The following ADIPOR2 variants were observed in gnomAD, a reference collection of about 807,000 sequenced individuals.
ADIPOR2 encodes adiponectin receptor protein 2.
A neutral mutation model predicts 40.9 loss-of-function variants in ADIPOR2; 18 were observed. The ratio of observed to expected loss-of-function variants is 0.44; its 90% CI spans 0.30 to 0.65. ADIPOR2 has a LOEUF of 0.65. Ranked by LOEUF, ADIPOR2 falls within the 30% of genes least tolerant of loss-of-function variation. ADIPOR2 has a pLI of 0.09. For synonymous variants in ADIPOR2, 165 were observed against 166.4 expected, an observed-to-expected ratio of 0.99 and a Z score of 0.06; for missense variants, 283 against 479.2, an observed-to-expected ratio of 0.59 and a Z score of 3.82.
At chr12:1,730,966 T>C (rs1328182966) in intron 1 of ADIPOR2, 1 of 152,224 alleles carries the variant, frequency 6.6e-6, no homozygotes, top group East Asian at 1.9e-4. Flanking sequence ...AAATTATGTT[T>C]ATTATTAAAA....
chr12:1,729,134 C>G (rs1051966399), intron 1 of ADIPOR2, among the ~76,000 whole-genome samples: 13 of 152,046 alleles, frequency 8.6e-5, no homozygotes, highest in Non-Finnish European at 2.9e-5. Flanking sequence ...GGTAAAGATA[C>G]TGCACATCAA....
At chr12:1,726,590 C>A (rs1021767128) in intron 1 of ADIPOR2, among the ~76,000 whole-genome samples, 2 of 151,984 alleles carry the variant, frequency 1.3e-5, no homozygotes, top group Non-Finnish European at 2.9e-5. Flanking sequence ...GGTTCTAATC[C>A]TCATTTCATC....
At chr12:1,748,184 T>C (rs1207176441) in intron 1 of ADIPOR2, among the ~76,000 whole-genome samples, 1 of 152,176 alleles carries the variant, frequency 6.6e-6, no homozygotes, top group South Asian at 2.1e-4. Context: ...TTTTGTAGTT[T>C]ACATCTCTTC....
At chr12:1,772,821 G>A in intron 2 of ADIPOR2, 21 bp from the exon 3 acceptor site, 1 of 1,596,582 alleles carries the variant, frequency 6.3e-7, no homozygotes, top group Non-Finnish European at 8.5e-7. Flanking sequence ...GTCCTTGACT[G>A]TTTCTGTGAT....
At chr12:1,725,731 A>C (rs540032614) in intron 1 of ADIPOR2, among the ~76,000 whole-genome samples, 9 of 152,214 alleles carry the variant, frequency 5.9e-5, no homozygotes, top group African/African-American at 9.6e-5. Flanking sequence ...ATTTTACTAA[A>C]AATTTGTTTT....
intron 1 of ADIPOR2, among the ~76,000 whole-genome samples, chr12:1,726,045 T>G (rs1226959238): frequency 6.6e-6 from 1 of 152,220 alleles, no homozygotes; most frequent in Non-Finnish European, 1.5e-5. Flanking sequence ...AGTGTTAGAT[T>G]TCTAGACCAG....
chr12:1,779,095 A>G (rs1219005710), intron 4 of ADIPOR2, among the ~76,000 whole-genome samples: 1 of 152,196 alleles, frequency 6.6e-6, no homozygotes, highest in Non-Finnish European at 1.5e-5. Context: ...AGGAATGTGA[A>G]ATGGGGCAGT....
chr12:1,751,859 C>G (rs1259336095), intron 1 of ADIPOR2, among the ~76,000 whole-genome samples: 1 of 151,638 alleles, frequency 6.6e-6, no homozygotes, highest in African/African-American at 2.4e-5. Flanking sequence ...CAACATTCCT[C>G]CATATATAGC....
intron 2 of ADIPOR2, among the ~76,000 whole-genome samples, chr12:1,771,396 A>T (rs1032552918): frequency 1.8e-4 from 27 of 152,108 alleles, no homozygotes; most frequent in African/African-American, 6.5e-4. Context: ...TCAAACTAAA[A>T]AAAAAAAAAG....
At chr12:1,754,713 A>ACTG (rs911618104) in intron 2 of ADIPOR2, among the ~76,000 whole-genome samples, 199 bp downstream of exon 2, 4 of 70,546 alleles carry the variant, frequency 5.7e-5, no homozygotes, top group African/African-American at 2.0e-4. Flanking sequence ...TACTACTACT[A>ACTG]CTACTACTAC....
chr12:1,694,950 A>G (rs1016201615), intron 1 of ADIPOR2, among the ~76,000 whole-genome samples: 1 of 151,298 alleles, frequency 6.6e-6, no homozygotes, highest in Admixed American at 6.6e-5. Flanking sequence ...TGATGAGCCC[A>G]TATCAATATG....
chr12:1,717,773 A>G (rs1424715061), intron 1 of ADIPOR2, among the ~76,000 whole-genome samples: 3 of 152,142 alleles, frequency 2.0e-5, no homozygotes, highest in Non-Finnish European at 2.9e-5. Context: ...TGTAGGCTTT[A>G]TTATTAGATT....
intron 2 of ADIPOR2, among the ~76,000 whole-genome samples, chr12:1,767,842 CAAATATTT>C (rs1442648546): frequency 6.6e-6 from 1 of 152,144 alleles, no homozygotes; most frequent in Non-Finnish European, 1.5e-5. Context: ...TCTTGATAAA[CAAATATTT>C]GTTTGGTAAG....
intron 1 of ADIPOR2, among the ~76,000 whole-genome samples, chr12:1,703,333 G>A (rs2094654391): frequency 6.6e-6 from 1 of 152,262 alleles, no homozygotes; most frequent in African/African-American, 2.4e-5. Context: ...ATCTATATAT[G>A]CATATAGAAG....
chr12:1,750,535 T>A (rs1401454126), intron 1 of ADIPOR2, among the ~76,000 whole-genome samples: 1 of 151,932 alleles, frequency 6.6e-6, no homozygotes, highest in Non-Finnish European at 1.5e-5. Flanking sequence ...ACCATTGCAC[T>A]CCAGCCTGGG....
chr12:1,711,817 C>T (rs1292056579), intron 1 of ADIPOR2, among the ~76,000 whole-genome samples: 2 of 152,090 alleles, frequency 1.3e-5, no homozygotes, highest in Admixed American at 6.5e-5. Context: ...AGACTGCCAC[C>T]TCCTTGGGTT....
chr12:1,702,403 C>T (rs566216223), intron 1 of ADIPOR2, among the ~76,000 whole-genome samples: 3 of 152,180 alleles, frequency 2.0e-5, no homozygotes, highest in Non-Finnish European at 2.9e-5. Context: ...TGTCACTTTG[C>T]ATATTTTAGC....
At chr12:1,769,878 G>A (rs1486203646) in intron 2 of ADIPOR2, among the ~76,000 whole-genome samples, 1 of 151,330 alleles carries the variant, frequency 6.6e-6, no homozygotes, top group African/African-American at 2.4e-5. Context: ...GAATCTTGCT[G>A]ATATATTGGG....
intron 1 of ADIPOR2, among the ~76,000 whole-genome samples, chr12:1,704,194 A>G (rs948882760): frequency 1.3e-5 from 2 of 151,840 alleles, no homozygotes; most frequent in African/African-American, 4.8e-5. Context: ...AAAGCAGCTC[A>G]TGGTTTCTTG....
Sources: allele counts gnomAD v4.1 joint callset (sites outside exome capture counted in the v4.1 genomes callset), GRCh38; gene constraint gnomAD v4.1.1; transcripts MANE v1.5; gene names NCBI Gene and HGNC (gene_info 2026-07-23, HGNC 2026-07-21).